MECOM: variants seen among roughly 807,000 people sequenced by gnomAD.
MECOM encodes histone-lysine N-methyltransferase MECOM.
A neutral mutation model predicts 116.3 loss-of-function variants in MECOM; 13 were observed. That is an observed-to-expected ratio of 0.11 (90% CI 0.07 to 0.18). MECOM has a LOEUF of 0.18. Ranked by LOEUF, MECOM falls within the 10% of genes least tolerant of loss-of-function variation. MECOM has a pLI of 1.00. For missense variants in MECOM, 1,299 were observed against 1,509.0 expected (o/e 0.86, Z 2.31); for synonymous variants, 528 against 535.2 (o/e 0.99, Z 0.19).
chr3:169,610,464 ACT>A (rs1769106139), intron 1 of MECOM, among the ~76,000 whole-genome samples: 1 of 150,258 alleles, frequency 6.7e-6, no homozygotes, highest in South Asian at 2.1e-4. Context: ...CCTTGAAACA[ACT>A]CTGTATGGTA....
intron 2 of MECOM, among the ~76,000 whole-genome samples, chr3:169,190,436 T>A (rs1487233769): frequency 6.6e-6 from 1 of 152,030 alleles, no homozygotes; most frequent in Non-Finnish European, 1.5e-5. Context: ...TAAAGGAAAC[T>A]CAGTGCCACT....
intron 1 of MECOM, among the ~76,000 whole-genome samples, chr3:169,654,889 G>C (rs1358992461): frequency 6.6e-6 from 1 of 151,062 alleles, no homozygotes; most frequent in Non-Finnish European, 1.5e-5. Flanking sequence ...AAAACACAAG[G>C]TAATATTCAA....
intron 1 of MECOM, among the ~76,000 whole-genome samples, chr3:169,482,806 C>T (rs980851556): frequency 1.3e-5 from 2 of 152,156 alleles, no homozygotes; most frequent in Non-Finnish European, 2.9e-5. Context: ...TGATATGTTA[C>T]ATGTTTTAGC....
chr3:169,119,457 A>C (rs1730262301), intron 7 of MECOM, among the ~76,000 whole-genome samples: 2 of 152,154 alleles, frequency 1.3e-5, no homozygotes, highest in South Asian at 4.1e-4. Context: ...GGAAAGGGAC[A>C]CCCTATGGCA....
chr3:169,263,772 G>A lies in MECOM; in HGVS notation c.375+117415C>T, dbSNP rs186919552. Among the ~76,000 whole-genome samples, 13 of 152,178 alleles carry A rather than the reference G, an allele frequency of 8.5e-5. No individual in the cohort carries two copies. The East Asian group carries it at 1.9e-3, about 23-fold the overall frequency. The stretch of plus-strand genomic sequence containing the variant: ...TAGTAATGTCTTTCTTTTTGTTTTA[G>A]CATGAAGGAACTGGGGATGTAGGGA... On this transcript the variant is annotated intron_variant, in intron 2 of 16. Coordinates refer to ENST00000651503, the MANE Select transcript of MECOM (RefSeq NM_004991.4).
chr3:169,221,071 T>G (rs1752074273), intron 2 of MECOM, among the ~76,000 whole-genome samples: 4 of 152,222 alleles, frequency 2.6e-5, no homozygotes. Flanking sequence ...CTATGCCTTG[T>G]ATTGGTTGCA....
chr3:169,445,786 G>C (rs765512632), intron 1 of MECOM, among the ~76,000 whole-genome samples: 3 of 152,170 alleles, frequency 2.0e-5, no homozygotes, highest in Admixed American at 1.3e-4. Flanking sequence ...AAAGCCACAG[G>C]GGCAGAGCTG....
intron 1 of MECOM, among the ~76,000 whole-genome samples, chr3:169,643,428 C>A (rs1025304489): frequency 6.6e-6 from 1 of 152,134 alleles, no homozygotes; most frequent in Non-Finnish European, 1.5e-5. Context: ...CTTGCACATC[C>A]CCTTTCTGCT....
At chr3:169,219,860 AG>A in intron 2 of MECOM, among the ~76,000 whole-genome samples, 1 of 149,280 alleles carries the variant, frequency 6.7e-6, no homozygotes, top group South Asian at 2.1e-4. Flanking sequence ...TCAAGAATAC[AG>A]TTAACTATAA....
At chr3:169,322,017 C>G (rs1720951368) in intron 2 of MECOM, among the ~76,000 whole-genome samples, 1 of 152,180 alleles carries the variant, frequency 6.6e-6, no homozygotes, top group Non-Finnish European at 1.5e-5. Flanking sequence ...CCATGTATCT[C>G]CAGCTTTGCT....
At chr3:169,643,834 A>C (rs1773798966) in intron 1 of MECOM, among the ~76,000 whole-genome samples, 1 of 152,252 alleles carries the variant, frequency 6.6e-6, no homozygotes, top group African/African-American at 2.4e-5. Context: ...AGTGAAAATG[A>C]AATGAATAAT....
intron 1 of MECOM, among the ~76,000 whole-genome samples, chr3:169,390,594 G>A (rs904333778): frequency 2.6e-4 from 39 of 152,272 alleles, no homozygotes; most frequent in African/African-American, 8.9e-4. Flanking sequence ...TTTAAAGGTG[G>A]GCAGAGACAT....
intron 1 of MECOM, among the ~76,000 whole-genome samples, chr3:169,586,231 G>T (rs542618885): frequency 7.2e-5 from 11 of 152,294 alleles, no homozygotes; most frequent in Non-Finnish European, 1.3e-4. Flanking sequence ...AAAAACCATA[G>T]AAGGTTATGA....
intron 1 of MECOM, among the ~76,000 whole-genome samples, chr3:169,480,943 T>C (rs1392278377): frequency 6.6e-6 from 1 of 152,172 alleles, no homozygotes; most frequent in Non-Finnish European, 1.5e-5. Flanking sequence ...AGTTTTGTTT[T>C]TGCTATCCTC....
chr3:169,224,341 A>G (rs1369141349), intron 2 of MECOM, among the ~76,000 whole-genome samples: 1 of 152,194 alleles, frequency 6.6e-6, no homozygotes, highest in Non-Finnish European at 1.5e-5. Context: ...GGAAATTCAA[A>G]GCAATGGCAA....
intron 1 of MECOM, among the ~76,000 whole-genome samples, chr3:169,441,744 T>TTG (rs1237906532): frequency 7.0e-5 from 10 of 142,022 alleles, no homozygotes; most frequent in Non-Finnish European, 1.4e-4. Flanking sequence ...TTTTTTTTTT[T>TTG]AAAAAAGGGG....
intron 16 of MECOM, chr3:169,086,414 A>G (rs937118775): frequency 1.6e-6 from 1 of 612,538 alleles, no homozygotes; most frequent in Non-Finnish European, 2.9e-6. Flanking sequence ...ACTCTGAAAG[A>G]GTTAAAACAA....
chr3:169,149,773 T>G, intron 2 of MECOM: 1 of 437,716 alleles, frequency 2.3e-6, no homozygotes, highest in Non-Finnish European at 4.6e-6. Context: ...AATGGAGAAT[T>G]CATTGCATCA....
In MECOM at chr3:169,358,097, T is replaced by G. The variant is rs559847216; in HGVS notation, c.375+23090A>C. Among the ~76,000 whole-genome samples, 19 of 151,922 alleles carry G rather than the reference T, an allele frequency of 1.3e-4. No individual in the cohort carries two copies. In the South Asian group the frequency reaches 3.9e-3, roughly 32 times the overall value. ...TAATTATAAGCATGGGTAAATGCAC[T>G]GGCACTGGCAAATCCACTACTGCAA... On this transcript the variant is annotated intron_variant, in intron 2 of 16. Coordinates refer to ENST00000651503, the MANE Select transcript of MECOM (RefSeq NM_004991.4).
Sources: gnomAD v4.1 joint callset for allele counts (sites outside exome capture counted in the v4.1 genomes callset) on GRCh38, gnomAD v4.1.1 for gene constraint, MANE v1.5 for transcripts, NCBI Gene and HGNC (gene_info 2026-07-23, HGNC 2026-07-21) for gene names.